Variants in BCAS3 observed in about 807,000 individuals in gnomAD.
The protein encoded by BCAS3 is BCAS4/BCAS3 fusion.
Under a neutral mutation model 116.1 loss-of-function variants are expected in BCAS3, and 53 were observed. The observed-to-expected ratio is 0.46, with a 90% CI of 0.37 to 0.57. The LOEUF (loss-of-function observed/expected upper bound fraction) is 0.57, where lower values mean the gene tolerates loss of function less well. Among genes scored for constraint, BCAS3 ranks in the 20% least tolerant of loss-of-function variants. The pLI is 0.00. For synonymous variants in BCAS3, 391 were observed against 408.2 expected (o/e 0.96, Z 0.51); for missense variants, 917 against 1,165.4 (o/e 0.79, Z 3.10).
At position 61,065,707 on chromosome 17, in the gene BCAS3, TAA is replaced by T. The variant is rs1335002603; in HGVS notation, c.2030-9211_2030-9210del. 2.6e-5 allele frequency among the ~76,000 whole-genome samples: 4 copies of T among 152,094 alleles called. No homozygotes were observed. The highest frequency in any genetic ancestry group is 9.7e-5 in the African/African-American group (4 of 41,424). ...TTGTGGAGGAAGGGTGGGGATATGG[TAA>T]AGAGTAGGAGAAAACAAAAACTGTG... On this transcript the variant is annotated intron_variant, in intron 19 of 23. Transcript: ENST00000407086. This position sits in a 1 kb window ranked among gnomAD's most constrained non-coding sequence, Gnocchi z 4.8.
intron 7 of BCAS3, among the ~76,000 whole-genome samples, chr17:60,823,965 G>C (rs1023390860): frequency 6.6e-6 from 1 of 152,098 alleles, no homozygotes; most frequent in African/African-American, 2.4e-5. Flanking sequence ...TGGATCACCT[G>C]ACTACTACCT....
chr17:60,709,419 C>G, intron 5 of BCAS3, 94 bp downstream of exon 5: 1 of 759,116 alleles, frequency 1.3e-6, no homozygotes. Context: ...GAGACAGAGT[C>G]TCACTCTTCG....
At position 61,082,699 on chromosome 17, in the gene BCAS3, T is replaced by C. The variant is rs562852032; in HGVS notation, c.2328-1768T>C. 1.3e-3 allele frequency among the ~76,000 whole-genome samples: 205 copies of C among 152,356 alleles called. 1 individual carries two copies. Among genetic ancestry groups the C allele is most frequent in the Non-Finnish European group, 5.4e-4 (37 of 68,034 alleles). ...AGACACTTTAAATAAACTTCTCTTT[T>C]CTAACTGGCCCACATTAGCTTAGGC... On this transcript the variant is annotated intron_variant, in intron 21 of 23. Coordinates refer to ENST00000407086, the MANE Select transcript of BCAS3 (RefSeq NM_017679.5). The surrounding 1 kb of genome is among the most constrained non-coding windows in gnomAD (Gnocchi z 5.1).
intron 22 of BCAS3, among the ~76,000 whole-genome samples, chr17:61,154,042 C>T (rs951396449): frequency 6.6e-6 from 1 of 152,154 alleles, no homozygotes; most frequent in Admixed American, 6.5e-5. Flanking sequence ...TGAAGGGAAG[C>T]AAGGTTGAGG....
At position 61,017,539 on chromosome 17, in the gene BCAS3, A is replaced by G. The variant is rs1343328823; in HGVS notation, c.1637+1638A>G. 6.6e-6 allele frequency among the ~76,000 whole-genome samples: 1 copy of G among 152,230 alleles called. No individual in the cohort carries two copies. The highest frequency in any genetic ancestry group is 6.5e-5 in the Admixed American group (1 of 15,286). The stretch of plus-strand genomic sequence containing the variant: ...AAAAGGCTCCTGGAGTCATAAAAGC[A>G]TATTCTGGTGCTTTGTTTCTGGTGC... On this transcript the variant is annotated intron_variant, in intron 16 of 23. Coordinates refer to ENST00000407086, the MANE Select transcript of BCAS3 (RefSeq NM_017679.5). This position sits in a 1 kb window ranked among gnomAD's most constrained non-coding sequence, Gnocchi z 4.7.
chr17:61,060,132 A>G (rs1234857863), intron 19 of BCAS3, among the ~76,000 whole-genome samples: 1 of 151,726 alleles, frequency 6.6e-6, no homozygotes, highest in African/African-American at 2.4e-5. Context: ...TATTATTTTT[A>G]TTTTTATTTT....
chr17:61,376,747 T>C lies in BCAS3; in HGVS notation c.2593+8253T>C. On this transcript the variant is annotated intron_variant, in intron 23 of 23. Coordinates refer to ENST00000407086, the MANE Select transcript of BCAS3 (RefSeq NM_017679.5). This position sits in a 1 kb window ranked among gnomAD's most constrained non-coding sequence, Gnocchi z 4.5. ...CCCAGTGCTCCTAAAATTGCACCTG[T>C]CTCAGCAAATGCTATCACCCAAGCA... Among the ~76,000 whole-genome samples the C allele has an allele frequency of 6.6e-6, 1 of 152,316 alleles. No individual in the cohort carries two copies. The highest frequency in any genetic ancestry group is 2.1e-4 in the South Asian group (1 of 4,832).
At chr17:60,706,561 CT>C (rs1331026267) in intron 4 of BCAS3, among the ~76,000 whole-genome samples, 2 of 151,976 alleles carry the variant, frequency 1.3e-5, no homozygotes, top group Non-Finnish European at 2.9e-5. Flanking sequence ...TGGCTCATGC[CT>C]TTATTCCCTC....
At chr17:60,768,070 G>A (rs1376433189) in intron 6 of BCAS3, among the ~76,000 whole-genome samples, 1 of 152,220 alleles carries the variant, frequency 6.6e-6, no homozygotes, top group East Asian at 1.9e-4. Flanking sequence ...GTGCTGAGAT[G>A]AGAGGTGTCA....
At chr17:61,045,884 T>TTA (rs1219846216) in intron 19 of BCAS3, among the ~76,000 whole-genome samples, 5 of 42,366 alleles carry the variant, frequency 1.2e-4, no homozygotes, top group Non-Finnish European at 1.6e-4. Flanking sequence ...TAAATATATA[T>TTA]TATATATATA....
chr17:60,931,912 A>G (rs970885091), intron 13 of BCAS3, among the ~76,000 whole-genome samples: 2 of 152,114 alleles, frequency 1.3e-5, no homozygotes, highest in African/African-American at 4.8e-5. Context: ...GTCTCTACAA[A>G]AAATACAAAA....
Position 60,808,045 on chromosome 17 carries a change from C to T in BCAS3, c.445C>T (p.Leu149Phe), listed in dbSNP as rs757347131. 4 of 1,609,130 alleles carry T rather than the reference C, an allele frequency of 2.5e-6. No individual in the cohort carries two copies. The African/African-American group carries it at 4.0e-5, about 16-fold the overall frequency. ...CDNFAEKRPL[L>F]GVCKSIGSSG... ...TAACTTTGCTGAAAAAAGACCCCTC[C>T]TTGGTGTTTGTAAGAGCATTGGATC... is the stretch of plus-strand genomic sequence containing the variant. Residue 149 changes from leucine to phenylalanine, a missense_variant, in exon 7 of 24, where the codon CTT becomes TTT. By Grantham distance (22) the Leu-to-Phe change is conservative. Around this residue, in one of 3 missense-constraint regions of BCAS3, gnomAD observed 807 missense variants for 1,026.0 expected, o/e 0.79. Coordinates refer to ENST00000407086, the MANE Select transcript of BCAS3 (RefSeq NM_017679.5).
chr17:61,274,600 T>C (rs1018087739), intron 22 of BCAS3, among the ~76,000 whole-genome samples: 4 of 152,088 alleles, frequency 2.6e-5, no homozygotes, highest in African/African-American at 4.8e-5. Context: ...AACATGTTTT[T>C]AATAGCTGTT....
chr17:61,187,405 A>G (rs1033589741), intron 22 of BCAS3, among the ~76,000 whole-genome samples: 11 of 152,338 alleles, frequency 7.2e-5, no homozygotes, highest in African/African-American at 2.6e-4. Context: ...GATATGAGTT[A>G]TTGAGTAGCA....
chr17:60,944,893 T>C (rs1041044219), intron 13 of BCAS3, among the ~76,000 whole-genome samples: 1 of 152,160 alleles, frequency 6.6e-6, no homozygotes, highest in Non-Finnish European at 1.5e-5. Flanking sequence ...AATGTTATAC[T>C]TAAAGATTGA....
At chr17:60,889,116 A>T (rs2056957175) in intron 9 of BCAS3, among the ~76,000 whole-genome samples, 1 of 152,246 alleles carries the variant, frequency 6.6e-6, no homozygotes, top group African/African-American at 2.4e-5. Flanking sequence ...TATTGGCTAG[A>T]ACTGCAAGCA....
In BCAS3 at chr17:61,136,165, C is replaced by T. The variant is rs2143905870; in HGVS notation, c.2425+51601C>T. 6.6e-6 allele frequency among the ~76,000 whole-genome samples: 1 copy of T among 152,182 alleles called. No individual in the cohort carries two copies. Among genetic ancestry groups the T allele is most frequent in the East Asian group, 1.9e-4 (1 of 5,202 alleles). On this transcript the variant is annotated intron_variant, in intron 22 of 23. Transcript: ENST00000407086. This position sits in a 1 kb window ranked among gnomAD's most constrained non-coding sequence, Gnocchi z 4.4. ...GCTTTGCACCTATTTAAATGTTTTC[C>T]CGTGCTCTTCCCTCTACATAAAATC...
At chr17:60,974,082 G>GT (rs2062145779) in intron 14 of BCAS3, among the ~76,000 whole-genome samples, 2 of 152,264 alleles carry the variant, frequency 1.3e-5, no homozygotes, top group African/African-American at 4.8e-5. Flanking sequence ...TTCTGAAGAT[G>GT]TGACCACAGG....
In BCAS3 at chr17:61,073,503, G is replaced by T. The variant is rs951658560; in HGVS notation, c.2030-1417G>T. On this transcript the variant is annotated intron_variant, in intron 19 of 23. Transcript: ENST00000407086. This position sits in a 1 kb window ranked among gnomAD's most constrained non-coding sequence, Gnocchi z 4.6. ...ACTACCTTGTTCTAGCAAGAGCTCA[G>T]TGAGGTTGGCATTCTCTTTCACTGC... Among the ~76,000 whole-genome samples, 1 of 152,174 alleles carries T rather than the reference G, an allele frequency of 6.6e-6. No individual in the cohort carries two copies.
Sources: gnomAD v4.1 joint callset for allele counts (sites outside exome capture counted in the v4.1 genomes callset) on GRCh38, gnomAD v4.1.1 for gene constraint, gnomAD v4.1.1 regional missense constraint, Gnocchi (gnomAD v3.1) non-coding constraint, MANE v1.5 for transcripts, NCBI Gene and HGNC (gene_info 2026-07-23, HGNC 2026-07-21) for gene names.